The following LPP variants were observed in gnomAD, a reference collection of about 807,000 sequenced individuals.
LPP encodes LIM domain containing preferred translocation partner in lipoma.
LPP carries 38 observed loss-of-function variants against 60.4 expected under a neutral mutation model. The observed-to-expected ratio is 0.63, with a 90% CI of 0.49 to 0.83. The LOEUF (loss-of-function observed/expected upper bound fraction) is 0.83, where lower values mean the gene tolerates loss of function less well. Among genes scored for constraint, LPP ranks in the 40% least tolerant of loss-of-function variants. LPP has a pLI of 0.00. For synonymous variants in LPP, 328 were observed against 290.8 expected (o/e 1.13, Z -1.30); for missense variants, 902 against 783.6 (o/e 1.15, Z -1.80).
intron 5 of LPP, among the ~76,000 whole-genome samples, chr3:188,509,810 A>G (rs1185343338): frequency 6.8e-6 from 1 of 147,352 alleles, no homozygotes; most frequent in African/African-American, 2.5e-5. Flanking sequence ...CTCCTGTTTC[A>G]GCTTCCCAAG....
At chr3:188,458,465 T>A (rs988522575) in intron 4 of LPP, among the ~76,000 whole-genome samples, 1 of 152,196 alleles carries the variant, frequency 6.6e-6, no homozygotes, top group Non-Finnish European at 1.5e-5. Flanking sequence ...TTTTTAAAAA[T>A]GTATGCTTTT....
In LPP at chr3:188,522,898, GTGTA is replaced by G. The variant is rs1260026362; in HGVS notation, c.307-1765_307-1762del. On this transcript the variant is annotated intron_variant, in intron 5 of 11. Coordinates refer to ENST00000617246, the MANE Select transcript of LPP (RefSeq NM_001375462.1). ...TTGAGACATATATGTGTGTGTGTGTGTGTATATACATATATGTATGTATGTTTGA... is the reference window on the plus strand; with the variant it reads ...TTGAGACATATATGTGTGTGTGTGTGTATACATATATGTATGTATGTTTGA... 2.5e-4 allele frequency among the ~76,000 whole-genome samples: 36 copies of G among 144,238 alleles called. 1 individual carries two copies. Among genetic ancestry groups the G allele is most frequent in the South Asian group, 9.2e-4 (4 of 4,370 alleles). 94.6% of individuals were successfully genotyped at this position (144,238 alleles called of 152,430 possible).
intron 2 of LPP, among the ~76,000 whole-genome samples, chr3:188,304,869 C>A (rs1751020944): frequency 6.6e-6 from 1 of 152,120 alleles, no homozygotes; most frequent in Admixed American, 6.6e-5. Flanking sequence ...TTCTTAACAG[C>A]TCTTCTGATA....
At chr3:188,690,233 A>C (rs1861799869) in intron 7 of LPP, among the ~76,000 whole-genome samples, 1 of 152,158 alleles carries the variant, frequency 6.6e-6, no homozygotes, top group Non-Finnish European at 1.5e-5. Flanking sequence ...TGGGGCATAA[A>C]TCCTAGTCCT....
rs552044283 is a variant in LPP, at chr3:188,446,840, C to T, written c.194-37752C>T. ...CCTTTTCTCCATGTCCTTTTTAGCT[C>T]TAAGCCTCATTTGTAAGCTTTCTAG... is the stretch of plus-strand genomic sequence containing the variant. On this transcript the variant is annotated intron_variant, in intron 4 of 11. Transcript: ENST00000617246. Among the ~76,000 whole-genome samples the T allele has an allele frequency of 1.4e-3, 212 of 152,298 alleles. 2 individuals carry two copies. The highest frequency in any genetic ancestry group is 5.0e-3 in the African/African-American group (206 of 41,564).
chr3:188,310,684 C>G (rs191821239), intron 2 of LPP, among the ~76,000 whole-genome samples: 1 of 152,232 alleles, frequency 6.6e-6, no homozygotes, highest in Non-Finnish European at 1.5e-5. Context: ...ATTTTCTGGA[C>G]TGGCATTTAG....
At chr3:188,672,940 A>G (rs148341927) in intron 7 of LPP, among the ~76,000 whole-genome samples, 1 of 152,004 alleles carries the variant, frequency 6.6e-6, no homozygotes, top group East Asian at 1.9e-4. Flanking sequence ...TTTCTAAGGA[A>G]AAAATTGTTT....
intron 9 of LPP, among the ~76,000 whole-genome samples, chr3:188,803,300 T>C (rs1234077883): frequency 6.6e-6 from 1 of 152,128 alleles, no homozygotes; most frequent in Non-Finnish European, 1.5e-5. Flanking sequence ...CTGCCTTGGC[T>C]AGGATTACAG....
At chr3:188,561,643 T>C (rs1282036620) in intron 6 of LPP, among the ~76,000 whole-genome samples, 1 of 152,066 alleles carries the variant, frequency 6.6e-6, no homozygotes, top group East Asian at 1.9e-4. Context: ...TTGAAGTAGA[T>C]CATTTCTAAG....
Position 188,880,711 on chromosome 3 carries a change from C to T in LPP, c.*6232C>T, listed in dbSNP as rs1769865942. On this transcript the variant is annotated 3_prime_UTR_variant, in exon 12 of 12. Transcript: ENST00000617246. ...AAACGTTATTAAACAGCCACAATCG[C>T]ATTCAGTCAACTTGGCACTGAATGT... The T allele has an allele frequency of 5.4e-6, 1 of 185,150 alleles. No homozygotes were observed. The highest frequency in any genetic ancestry group is 1.1e-5 in the Non-Finnish European group (1 of 87,400). 11.5% of individuals were successfully genotyped at this position (185,150 alleles called of 1,614,324 possible).
intron 9 of LPP, among the ~76,000 whole-genome samples, chr3:188,810,603 A>T (rs914993512): frequency 6.6e-6 from 1 of 152,148 alleles, no homozygotes; most frequent in African/African-American, 2.4e-5. Flanking sequence ...ACTTTATCAT[A>T]AGTATGTATG....
intron 7 of LPP, among the ~76,000 whole-genome samples, chr3:188,631,226 T>A (rs1847798230): frequency 6.6e-6 from 1 of 152,222 alleles, no homozygotes; most frequent in Admixed American, 6.5e-5. Context: ...AAAAATTATC[T>A]TTCTTCTAGC....
At chr3:188,753,229 A>G (rs1057297023) in intron 8 of LPP, among the ~76,000 whole-genome samples, 7 of 152,220 alleles carry the variant, frequency 4.6e-5, no homozygotes, top group African/African-American at 1.4e-4. Flanking sequence ...AAATGAAAAA[A>G]TGTATGTGAA....
intron 5 of LPP, among the ~76,000 whole-genome samples, chr3:188,508,354 G>T (rs1814176184): frequency 6.6e-6 from 1 of 152,214 alleles, no homozygotes; most frequent in African/African-American, 2.4e-5. Flanking sequence ...TAGAGGAAAT[G>T]TTGATACCAA....
At chr3:188,518,867 A>G (rs1378998588) in intron 5 of LPP, among the ~76,000 whole-genome samples, 1 of 151,376 alleles carries the variant, frequency 6.6e-6, no homozygotes, top group Non-Finnish European at 1.5e-5. Context: ...CCTATGTAAC[A>G]GTTTTTACTT....
At chr3:188,325,350 C>T (rs888099808) in intron 2 of LPP, among the ~76,000 whole-genome samples, 9 of 152,106 alleles carry the variant, frequency 5.9e-5, no homozygotes, top group Non-Finnish European at 1.2e-4. Context: ...TCCTTTAGCC[C>T]TCTGTATAAG....
intron 1 of LPP, among the ~76,000 whole-genome samples, chr3:188,190,218 G>A (rs1727772846): frequency 6.6e-6 from 1 of 152,016 alleles, no homozygotes; most frequent in Non-Finnish European, 1.5e-5. Context: ...CACCATGCCT[G>A]GCTAAGTTTT....
chr3:188,353,304 G>A (rs1766504695), intron 3 of LPP, among the ~76,000 whole-genome samples: 1 of 152,188 alleles, frequency 6.6e-6, no homozygotes, highest in African/African-American at 2.4e-5. Context: ...GTAAGTTTTT[G>A]TTGAGTTGAA....
intron 2 of LPP, among the ~76,000 whole-genome samples, chr3:188,258,554 C>T (rs1732459597): frequency 6.6e-6 from 1 of 152,164 alleles, no homozygotes; most frequent in South Asian, 2.1e-4. Context: ...CTCCTGGGCA[C>T]AAGTGATTCT....
Sources: gnomAD v4.1 joint callset for allele counts (sites outside exome capture counted in the v4.1 genomes callset) on GRCh38, gnomAD v4.1.1 for gene constraint, MANE v1.5 for transcripts, NCBI Gene and HGNC (gene_info 2026-07-23, HGNC 2026-07-21) for gene names.